Variants in SOCS5 observed in about 807,000 individuals in gnomAD.
SOCS5 encodes suppressor of cytokine signaling 5.
SOCS5 carries 32 observed loss-of-function variants against 42.8 expected under a neutral mutation model. The observed-to-expected ratio is 0.75, with a 90% CI of 0.56 to 1.01. The LOEUF (loss-of-function observed/expected upper bound fraction) is 1.01. SOCS5 is among the 50% of genes least tolerant of loss of function. The pLI, the probability that SOCS5 is intolerant of heterozygous loss-of-function variation, is 0.00. For missense variants in SOCS5, 627 were observed against 653.0 expected (o/e 0.96, Z 0.43); for synonymous variants, 283 against 229.6 (o/e 1.23, Z -2.10).
chr2:46,706,913 A>T (rs955531223), intron 1 of SOCS5, among the ~76,000 whole-genome samples: 15 of 152,228 alleles, frequency 9.9e-5, no homozygotes, highest in Non-Finnish European at 1.5e-4. Flanking sequence ...ATAAGAAAGT[A>T]CCAACGGCAG....
chr2:46,741,463 T>C (rs1673374421), intron 1 of SOCS5, among the ~76,000 whole-genome samples: 1 of 152,186 alleles, frequency 6.6e-6, no homozygotes, highest in South Asian at 2.1e-4. Flanking sequence ...CCACTGCACC[T>C]GGCCCCAAGA....
At chr2:46,746,460 G>C (rs1673497342) in intron 1 of SOCS5, among the ~76,000 whole-genome samples, 1 of 152,070 alleles carries the variant, frequency 6.6e-6, no homozygotes, top group East Asian at 1.9e-4. Context: ...GACCATCCTG[G>C]CTAACACGGT....
chr2:46,756,884 TA>T (rs1024068075), intron 1 of SOCS5, among the ~76,000 whole-genome samples: 4 of 152,254 alleles, frequency 2.6e-5, no homozygotes, highest in East Asian at 3.9e-4. Flanking sequence ...GTAAACCTCA[TA>T]AAAAATGCTT....
At chr2:46,740,728 C>A (rs1458073409) in intron 1 of SOCS5, among the ~76,000 whole-genome samples, 1 of 152,134 alleles carries the variant, frequency 6.6e-6, no homozygotes, top group Non-Finnish European at 1.5e-5. Context: ...GAATGAGGAT[C>A]TGCCACTGCC....
chr2:46,742,825 C>G (rs1006601104), intron 1 of SOCS5, among the ~76,000 whole-genome samples: 1 of 152,022 alleles, frequency 6.6e-6, no homozygotes, highest in African/African-American at 2.4e-5. Flanking sequence ...ACCACTATAC[C>G]TGGCTAATTT....
chr2:46,701,708 G>A (rs997734330), intron 1 of SOCS5, among the ~76,000 whole-genome samples: 7 of 149,748 alleles, frequency 4.7e-5, no homozygotes, highest in South Asian at 2.1e-4. Flanking sequence ...ATGCTGCATT[G>A]TTAGCGTTAG....
intron 1 of SOCS5, among the ~76,000 whole-genome samples, chr2:46,754,839 T>C (rs1267207207): frequency 1.3e-5 from 2 of 152,192 alleles, no homozygotes; most frequent in African/African-American, 2.4e-5. Context: ...CAGAGGATTC[T>C]TAGATTATTT....
intron 1 of SOCS5, among the ~76,000 whole-genome samples, chr2:46,744,182 G>T (rs541558602): frequency 6.6e-6 from 1 of 152,072 alleles, no homozygotes; most frequent in South Asian, 2.1e-4. Flanking sequence ...TAGAGATGGG[G>T]TTTCACCGTG....
chr2:46,711,436 T>C (rs934217205), intron 1 of SOCS5, among the ~76,000 whole-genome samples: 5 of 152,228 alleles, frequency 3.3e-5, no homozygotes, highest in African/African-American at 1.2e-4. Context: ...CTTAGTGATA[T>C]GTCTGTTCAA....
intron 1 of SOCS5, among the ~76,000 whole-genome samples, chr2:46,711,643 C>A (rs554147693): frequency 2.2e-4 from 34 of 152,230 alleles, no homozygotes; most frequent in African/African-American, 8.2e-4. Context: ...ATCAATATTT[C>A]CTCTTATGCT....
chr2:46,706,652 A>C (rs1489385879), intron 1 of SOCS5, among the ~76,000 whole-genome samples: 2 of 152,222 alleles, frequency 1.3e-5, no homozygotes, highest in Non-Finnish European at 2.9e-5. Flanking sequence ...GTTTAATAGA[A>C]AAGTCACCAG....
intron 1 of SOCS5, among the ~76,000 whole-genome samples, chr2:46,721,036 T>C (rs897529): frequency 0.52 from 78,878 of 151,782 alleles, 21,030 homozygotes; most frequent in African/African-American, 0.6. Flanking sequence ...TGAACAAATG[T>C]CCTTTTTGTG....
intron 1 of SOCS5, among the ~76,000 whole-genome samples, chr2:46,725,978 C>G (rs1363298447): frequency 6.6e-6 from 1 of 152,026 alleles, no homozygotes. Context: ...TACTATTCCC[C>G]TATAAGTAAT....
At chr2:46,742,972 A>G (rs1424931870) in intron 1 of SOCS5, among the ~76,000 whole-genome samples, 1 of 151,954 alleles carries the variant, frequency 6.6e-6, no homozygotes, top group Admixed American at 6.6e-5. Flanking sequence ...CCTGTTTACT[A>G]CTTTTTTAAT....
intron 1 of SOCS5, among the ~76,000 whole-genome samples, chr2:46,719,728 A>G (rs1298559461): frequency 6.6e-6 from 1 of 152,214 alleles, no homozygotes; most frequent in Non-Finnish European, 1.5e-5. Context: ...CCCATAGCAG[A>G]AAATTAATAA....
At chr2:46,735,995 C>T (rs1673236075) in intron 1 of SOCS5, among the ~76,000 whole-genome samples, 1 of 151,302 alleles carries the variant, frequency 6.6e-6, no homozygotes, top group Admixed American at 6.6e-5. Flanking sequence ...TTCTCTCTCT[C>T]CCCCATTCCC....
intron 1 of SOCS5, among the ~76,000 whole-genome samples, chr2:46,742,722 A>T (rs569868281): frequency 2.1e-4 from 32 of 151,810 alleles, no homozygotes; most frequent in Admixed American, 1.5e-3. Context: ...CTGGAGTGCA[A>T]TGGCGCGATC....
chr2:46,743,819 G>T (rs1272217940), intron 1 of SOCS5, among the ~76,000 whole-genome samples: 1 of 152,028 alleles, frequency 6.6e-6, no homozygotes, highest in African/African-American at 2.4e-5. Flanking sequence ...CCTTCCATTT[G>T]TATTTTCTGT....
At chr2:46,755,773 C>A (rs1673719311) in intron 1 of SOCS5, among the ~76,000 whole-genome samples, 1 of 152,078 alleles carries the variant, frequency 6.6e-6, no homozygotes, top group African/African-American at 2.4e-5. Flanking sequence ...AAAAACATTT[C>A]TAAAAATTTA....
Sources: gnomAD v4.1 joint callset for allele counts (sites outside exome capture counted in the v4.1 genomes callset) on GRCh38, gnomAD v4.1.1 for gene constraint, MANE v1.5 for transcripts, NCBI Gene and HGNC (gene_info 2026-07-23, HGNC 2026-07-21) for gene names.